Variants in TACC1 observed in about 807,000 individuals in gnomAD.
The protein encoded by TACC1 is transforming acidic coiled-coil-containing protein 1.
Under a neutral mutation model 84.4 loss-of-function variants are expected in TACC1, and 48 were observed. The observed-to-expected ratio is 0.57, with a 90% CI of 0.45 to 0.72. TACC1 has a LOEUF of 0.72. TACC1 is among the 30% of genes least tolerant of loss of function. The pLI is 0.00. For missense variants in TACC1, 920 were observed against 973.0 expected (o/e 0.95, Z 0.72); for synonymous variants, 372 against 376.3 (o/e 0.99, Z 0.13).
Position 38,759,569 on chromosome 8 carries a change from A to G in TACC1, c.26+14076A>G, listed in dbSNP as rs551747412. On this transcript the variant is annotated intron_variant, in intron 3 of 14. Transcript: ENST00000518415. ...ATCTCTCTCTTCATTGAGGCTCTGC[A>G]TGCACCTTGAATATTTTACAATGCT... is the stretch of plus-strand genomic sequence containing the variant. Among the ~76,000 whole-genome samples, 5 of 152,342 alleles carry G rather than the reference A, an allele frequency of 3.3e-5. No individual in the cohort carries two copies. In the South Asian group the frequency reaches 1.0e-3, roughly 32 times the overall value.
intron 2 of TACC1, among the ~76,000 whole-genome samples, chr8:38,742,884 T>A (rs755411422): frequency 6.6e-6 from 1 of 152,074 alleles, no homozygotes; most frequent in Non-Finnish European, 1.5e-5. Context: ...CTGGCTAATT[T>A]TTGTATTTTT....
rs138971293 is a variant in TACC1, at chr8:38,829,973, C to T, written c.1661-1152C>T. Reference sequence around the variant, plus strand: ...TGTTCTCCAGGAAATGAGATTTTCACACAGCCATGGGAAGAAAGCTGCCAC... The same window carrying T: ...TGTTCTCCAGGAAATGAGATTTTCATACAGCCATGGGAAGAAAGCTGCCAC... On this transcript the variant is annotated intron_variant, in intron 5 of 12. Transcript: ENST00000317827. 1.0e-3 allele frequency among the ~76,000 whole-genome samples: 157 copies of T among 152,248 alleles called. 1 individual carries two copies. The highest frequency in any genetic ancestry group is 3.7e-3 in the African/African-American group (153 of 41,548).
Position 38,836,203 on chromosome 8 carries a change from G to C in TACC1, c.1755G>C (p.Val585=). 1.9e-6 allele frequency: 3 copies of C among 1,613,486 alleles called. No homozygotes were observed. Among genetic ancestry groups the C allele is most frequent in the Admixed American group, 1.7e-5 (1 of 60,032 alleles). The change falls in exon 7 of 13, where the codon GTG becomes GTC. Residue 585 remains valine, a synonymous_variant. Transcript: ENST00000317827. ...CTGCAGAGAAGGCCCCTGTGTCGGT[G>C]TCCTGTGGAGGTGAGAGCCCCCTGG... ...ESSAEKAPVS[V]SCGGESPLDG... is the part of the protein sequence containing the mutation.
At chr8:38,810,051 G>T (rs1431786465) in intron 2 of TACC1, among the ~76,000 whole-genome samples, 1 of 152,104 alleles carries the variant, frequency 6.6e-6, no homozygotes, top group Non-Finnish European at 1.5e-5. Flanking sequence ...TATTTCCATT[G>T]CCCAGATAAA....
upstream of TACC1, among the ~76,000 whole-genome samples, chr8:38,782,416 A>ATTGTTGGATATG (rs1816206131): frequency 6.6e-6 from 1 of 152,012 alleles, no homozygotes; most frequent in South Asian, 2.1e-4. Flanking sequence ...AATCCAGTCT[A>ATTGTTGGATATG]TCATTGTTGG....
At chr8:38,751,411 A>G (rs761148219) in intron 3 of TACC1, among the ~76,000 whole-genome samples, 66 of 152,336 alleles carry the variant, frequency 4.3e-4, no homozygotes, top group Middle Eastern at 3.4e-3. Context: ...GCCATTTTCT[A>G]GCTATGTGGC....
At chr8:38,845,361 T>C (rs931105060) in intron 11 of TACC1, among the ~76,000 whole-genome samples, 1 of 152,246 alleles carries the variant, frequency 6.6e-6, no homozygotes. Flanking sequence ...TGCATTCTTC[T>C]CCATAGGTTT....
chr8:38,765,900 A>G (rs1421451606), intron 3 of TACC1, among the ~76,000 whole-genome samples: 1 of 152,032 alleles, frequency 6.6e-6, no homozygotes, highest in African/African-American at 2.4e-5. Context: ...AGCCTAGCCA[A>G]TTTTCAGTCC....
chr8:38,820,973 A>C (rs1826659690), intron 3 of TACC1, among the ~76,000 whole-genome samples: 1 of 152,140 alleles, frequency 6.6e-6, no homozygotes, highest in Admixed American at 6.5e-5. Flanking sequence ...TGGGAGGCCG[A>C]GGCAGGTGGA....
At chr8:38,840,002 C>A (rs1328224502) in intron 8 of TACC1, 1 of 306,918 alleles carries the variant, frequency 3.3e-6, no homozygotes, top group Non-Finnish European at 5.7e-6. Context: ...ATAAGTTTGA[C>A]TAAAGATAAA....
intron 2 of TACC1, among the ~76,000 whole-genome samples, chr8:38,809,461 G>A (rs1823553744): frequency 6.6e-6 from 1 of 152,040 alleles, no homozygotes; most frequent in Non-Finnish European, 1.5e-5. Context: ...GCTCTTGGAC[G>A]GCTTTGCCCC....
At chr8:38,761,044 G>A (rs150854104) in intron 3 of TACC1, among the ~76,000 whole-genome samples, 31 of 152,252 alleles carry the variant, frequency 2.0e-4, no homozygotes, top group African/African-American at 6.7e-4. Context: ...GAAAAGCAAG[G>A]CAATAACTTT....
chr8:38,768,361 A>G (rs1201227168), intron 3 of TACC1, among the ~76,000 whole-genome samples: 2 of 152,168 alleles, frequency 1.3e-5, no homozygotes, highest in African/African-American at 4.8e-5. Context: ...CCTGCATTGG[A>G]TGCAGAGGGG....
Position 38,823,713 on chromosome 8 carries a change from G to A in TACC1, c.1392-1595G>A, listed in dbSNP as rs187195354. Among the ~76,000 whole-genome samples, 458 of 152,226 alleles carry A rather than the reference G, an allele frequency of 3.0e-3. 1 individual carries two copies. The highest frequency in any genetic ancestry group is 0.011 in the African/African-American group (439 of 41,538). Reference sequence around the variant, plus strand: ...CTTGTTCTTTTTAGAAGAAAGGAGTGCTAGACCTCTTGGAAGTTTATTTTT... The same window carrying A: ...CTTGTTCTTTTTAGAAGAAAGGAGTACTAGACCTCTTGGAAGTTTATTTTT... On this transcript the variant is annotated intron_variant, in intron 3 of 12. Coordinates refer to ENST00000317827, the MANE Select transcript of TACC1 (RefSeq NM_006283.3).
At chr8:38,776,259 A>G (rs1814770814) in intron 3 of TACC1, among the ~76,000 whole-genome samples, 1 of 152,212 alleles carries the variant, frequency 6.6e-6, no homozygotes, top group African/African-American at 2.4e-5. Flanking sequence ...GCAACTGCCT[A>G]ATTTCTAGAA....
intron 2 of TACC1, 65 bp from the exon 3 acceptor site, chr8:38,819,457 G>GT: frequency 1.3e-6 from 2 of 1,502,136 alleles, no homozygotes; most frequent in Non-Finnish European, 1.8e-6. Context: ...ATGAATTCAG[G>GT]TAAGAGAGGA....
rs1393511413 is a variant in TACC1 at position 38,852,254 on chromosome 8, G to A, written c.*4231G>A. Reference sequence around the variant, plus strand: ...CTTTATTAACTATAATATGGTTACAGCTATTATATAAATATATATTCTGGT... The same window carrying A: ...CTTTATTAACTATAATATGGTTACAACTATTATATAAATATATATTCTGGT... On this transcript the variant is annotated 3_prime_UTR_variant, in exon 13 of 13. Coordinates refer to ENST00000317827, the MANE Select transcript of TACC1 (RefSeq NM_006283.3). The A allele has an allele frequency of 3.9e-5, 10 of 254,516 alleles. No individual in the cohort carries two copies. Among genetic ancestry groups the A allele is most frequent in the Admixed American group, 4.8e-5 (1 of 20,696 alleles). The allele number at this position is 254,516 out of a possible 1,614,324, so 15.8% of individuals were successfully genotyped here.
chr8:38,731,012 C>G (rs925994292), intron 1 of TACC1, among the ~76,000 whole-genome samples: 14 of 152,186 alleles, frequency 9.2e-5, no homozygotes, highest in Admixed American at 9.2e-4. Flanking sequence ...ACTGCAGCCT[C>G]AACCTCCTGG....
intron 3 of TACC1, among the ~76,000 whole-genome samples, chr8:38,778,646 G>A (rs1815323623): frequency 6.6e-6 from 1 of 152,104 alleles, no homozygotes; most frequent in Non-Finnish European, 1.5e-5. Context: ...GGGTCCTTTA[G>A]CATTTTTCTT....
Sources: allele counts gnomAD v4.1 joint callset (sites outside exome capture counted in the v4.1 genomes callset), GRCh38; gene constraint gnomAD v4.1.1; transcripts MANE v1.5; gene names NCBI Gene and HGNC (gene_info 2026-07-23, HGNC 2026-07-21).